PARD3: variants seen among roughly 807,000 people sequenced by gnomAD.
The protein encoded by PARD3 is partitioning defective 3 homolog.
In PARD3, 75 loss-of-function variants were observed where a neutral mutation model predicts 155.4. That is an observed-to-expected ratio of 0.48 (90% CI 0.40 to 0.58). The LOEUF (loss-of-function observed/expected upper bound fraction) is 0.58. Ranked by LOEUF, PARD3 falls within the 20% of genes least tolerant of loss-of-function variation. The pLI is 0.00. For missense variants in PARD3, 1,642 were observed against 1,721.7 expected (o/e 0.95, Z 0.82); for synonymous variants, 576 against 610.5 (o/e 0.94, Z 0.83).
chr10:34,212,721 T>A (rs1009659586), intron 22 of PARD3, among the ~76,000 whole-genome samples: 1 of 152,022 alleles, frequency 6.6e-6, no homozygotes, highest in Non-Finnish European at 1.5e-5. Context: ...TGGAGCAGCT[T>A]GAAAAGCCAT....
At chr10:34,609,643 A>G (rs1043355543) in intron 2 of PARD3, among the ~76,000 whole-genome samples, 2 of 152,304 alleles carry the variant, frequency 1.3e-5, no homozygotes, top group South Asian at 2.1e-4. Context: ...CCTGGACTCC[A>G]GTGATCCTCC....
At chr10:34,680,984 T>TAA (rs77097866) in intron 2 of PARD3, among the ~76,000 whole-genome samples, 33 of 126,642 alleles carry the variant, frequency 2.6e-4, no homozygotes, top group African/African-American at 3.9e-4. Context: ...TAAAGTATAA[T>TAA]AAAAAAAAAA....
At chr10:34,757,453 C>T (rs890513677) in intron 1 of PARD3, among the ~76,000 whole-genome samples, 6 of 152,024 alleles carry the variant, frequency 3.9e-5, no homozygotes, top group African/African-American at 1.4e-4. Context: ...GCCTGTAATC[C>T]CAACATTTTG....
intron 2 of PARD3, among the ~76,000 whole-genome samples, chr10:34,623,797 C>T (rs1015346377): frequency 2.0e-5 from 3 of 152,004 alleles, no homozygotes; most frequent in South Asian, 2.1e-4. Flanking sequence ...CTGGCTAACA[C>T]GGTGAAACCC....
At chr10:34,273,594 C>T (rs891662837) in intron 21 of PARD3, among the ~76,000 whole-genome samples, 3 of 152,152 alleles carry the variant, frequency 2.0e-5, no homozygotes, top group East Asian at 3.9e-4. Flanking sequence ...TATACCAATG[C>T]GAATTTCCTG....
At chr10:34,369,230 G>C (rs903902092) in intron 12 of PARD3, among the ~76,000 whole-genome samples, 18 of 152,224 alleles carry the variant, frequency 1.2e-4, no homozygotes, top group African/African-American at 4.1e-4. Context: ...ATGTGGTCCA[G>C]GATGGCTTTG....
rs145513902 is a variant in PARD3 at position 34,502,034 on chromosome 10, A to G, written c.403+14945T>C. On this transcript the variant is annotated intron_variant, in intron 3 of 24. Coordinates refer to ENST00000374788, the MANE Select transcript of PARD3 (RefSeq NM_001184785.2). ...AAGACATATTGAGAAGTAAAGATCT[A>G]TGAGAAGGCAAGCCTTCACTAGACA... 6.8e-4 allele frequency among the ~76,000 whole-genome samples: 104 copies of G among 152,350 alleles called. 1 individual carries two copies. In the South Asian group the frequency reaches 7.5e-3, roughly 11 times the overall value.
chr10:34,565,577 A>G (rs1194141081), intron 2 of PARD3, among the ~76,000 whole-genome samples: 4 of 151,996 alleles, frequency 2.6e-5, no homozygotes, highest in Non-Finnish European at 5.9e-5. Flanking sequence ...GGACACTTTT[A>G]TCTTAACTCT....
At chr10:34,710,069 T>A (rs567110928) in intron 1 of PARD3, among the ~76,000 whole-genome samples, 1 of 152,166 alleles carries the variant, frequency 6.6e-6, no homozygotes, top group Non-Finnish European at 1.5e-5. Context: ...TACCCATTGA[T>A]CCAGAAATTT....
chr10:34,773,596 C>T (rs1839173910), intron 1 of PARD3, among the ~76,000 whole-genome samples: 1 of 152,170 alleles, frequency 6.6e-6, no homozygotes, highest in Non-Finnish European at 1.5e-5. Context: ...CCAAATGCAC[C>T]AGGCCACTGT....
At chr10:34,288,290 C>T (rs2133954411) in intron 20 of PARD3, among the ~76,000 whole-genome samples, 1 of 152,256 alleles carries the variant, frequency 6.6e-6, no homozygotes, top group Non-Finnish European at 1.5e-5. Flanking sequence ...CAGAATTGGA[C>T]ATTTCTTTTA....
rs976677663 is a variant in PARD3 at position 34,695,590 on chromosome 10, T to G, written c.222+728A>C. On this transcript the variant is annotated intron_variant, in intron 2 of 24. Transcript: ENST00000374788. ...CTCCCCCTCCTCTTCCTCTTCCTCA[T>G]TCCTCTCAAGAGTACAGAAAAAAAG... Among the ~76,000 whole-genome samples, 5 of 151,900 alleles carry G rather than the reference T, an allele frequency of 3.3e-5. No individual in the cohort carries two copies. In the East Asian group the frequency reaches 9.6e-4, roughly 29 times the overall value.
intron 23 of PARD3, among the ~76,000 whole-genome samples, 167 bp from the exon 24 acceptor site, chr10:34,119,907 C>T (rs1946893336): frequency 6.6e-6 from 1 of 151,008 alleles, no homozygotes; most frequent in Admixed American, 6.6e-5. Context: ...CATATATTTG[C>T]TCTTATGAGC....
chr10:34,186,548 AG>A (rs1950504449), intron 22 of PARD3, among the ~76,000 whole-genome samples: 1 of 152,064 alleles, frequency 6.6e-6, no homozygotes, highest in Admixed American at 6.5e-5. Context: ...GACCACAACC[AG>A]TTGCAGAATT....
chr10:34,500,527 G>A (rs1299802664), intron 3 of PARD3, among the ~76,000 whole-genome samples: 2 of 151,968 alleles, frequency 1.3e-5, no homozygotes, highest in Non-Finnish European at 2.9e-5. Context: ...AGATCACCTG[G>A]GGTCAGGAGT....
chr10:34,814,846 C>G, intron 1 of PARD3, 30 bp downstream of exon 1: 1 of 1,339,666 alleles, frequency 7.5e-7, no homozygotes, highest in Non-Finnish European at 1.0e-6. Flanking sequence ...CGCCGCCGCC[C>G]CCTCCCCGCC....
At chr10:34,782,145 CA>C (rs1840311448) in intron 1 of PARD3, among the ~76,000 whole-genome samples, 1 of 152,210 alleles carries the variant, frequency 6.6e-6, no homozygotes, top group East Asian at 1.9e-4. Flanking sequence ...CTTCTAGACC[CA>C]AGTGCTAATT....
At chr10:34,622,695 C>A (rs2091749801) in intron 2 of PARD3, among the ~76,000 whole-genome samples, 1 of 151,978 alleles carries the variant, frequency 6.6e-6, no homozygotes, top group Non-Finnish European at 1.5e-5. Flanking sequence ...AGTTTCTTCA[C>A]AAAAACAAGA....
At chr10:34,655,807 T>C (rs1021257899) in intron 2 of PARD3, among the ~76,000 whole-genome samples, 1 of 152,110 alleles carries the variant, frequency 6.6e-6, no homozygotes, top group African/African-American at 2.4e-5. Flanking sequence ...GACCAGGAAA[T>C]TGGGCTTTTA....
Sources: gnomAD v4.1 joint callset for allele counts (sites outside exome capture counted in the v4.1 genomes callset) on GRCh38, gnomAD v4.1.1 for gene constraint, MANE v1.5 for transcripts, NCBI Gene and HGNC (gene_info 2026-07-23, HGNC 2026-07-21) for gene names.